DSCAML1: variants seen among roughly 807,000 people sequenced by gnomAD.
DSCAML1 encodes DS cell adhesion molecule like 1.
Under a neutral mutation model 200.5 loss-of-function variants are expected in DSCAML1, and 38 were observed. The observed-to-expected ratio is 0.19, with a 90% CI of 0.15 to 0.25. DSCAML1 has a LOEUF of 0.25. DSCAML1 is among the 10% of genes least tolerant of loss of function. DSCAML1 has a pLI of 1.00. For synonymous variants in DSCAML1, 1,215 were observed against 1,165.0 expected (o/e 1.04, Z -0.87); for missense variants, 2,223 against 2,858.8 (o/e 0.78, Z 5.07).
rs114938531 is a variant in DSCAML1, at chr11:117,472,469, C to A, written c.2786-433G>T. 9.6e-3 allele frequency among the ~76,000 whole-genome samples: 1,466 copies of A among 152,322 alleles called. 20 individuals are homozygous for A. Among genetic ancestry groups the A allele is most frequent in the African/African-American group, 0.033 (1,361 of 41,572 alleles). On this transcript the variant is annotated intron_variant, in intron 14 of 32. Coordinates refer to ENST00000651296, the MANE Select transcript of DSCAML1 (RefSeq NM_020693.4). ...AAAGCAGGAGGCTAAGTCTCCTCTC[C>A]TTTTCTCCTCCTTTTGTGTGTGCTT...
chr11:117,746,679 G>T (rs191827203), intron 3 of DSCAML1, among the ~76,000 whole-genome samples: 9 of 152,130 alleles, frequency 5.9e-5, no homozygotes, highest in Admixed American at 2.0e-4. Flanking sequence ...AACCTGGGAC[G>T]ACAACCTTTC....
At chr11:117,653,851 G>T (rs2052681777) in intron 3 of DSCAML1, among the ~76,000 whole-genome samples, 1 of 152,134 alleles carries the variant, frequency 6.6e-6, no homozygotes, top group Non-Finnish European at 1.5e-5. Flanking sequence ...ATATTATTTG[G>T]CCATAAGAAG....
At chr11:117,507,877 T>C (rs995543333) in intron 8 of DSCAML1, among the ~76,000 whole-genome samples, 7 of 152,184 alleles carry the variant, frequency 4.6e-5, no homozygotes, top group Non-Finnish European at 8.8e-5. Context: ...GGGTTGGGAC[T>C]CTGCCCCCAG....
intron 3 of DSCAML1, among the ~76,000 whole-genome samples, chr11:117,632,898 G>C (rs1177967270): frequency 6.6e-6 from 1 of 152,142 alleles, no homozygotes; most frequent in Non-Finnish European, 1.5e-5. Flanking sequence ...TTTAAGAAAA[G>C]GAAACTGAGG....
At chr11:117,622,334 T>G (rs2051950595) in intron 3 of DSCAML1, among the ~76,000 whole-genome samples, 2 of 152,204 alleles carry the variant, frequency 1.3e-5, no homozygotes, top group African/African-American at 2.4e-5. Flanking sequence ...CTGTAAGATG[T>G]AAATTTTTAT....
chr11:117,785,883 G>A (rs892283498), intron 1 of DSCAML1, among the ~76,000 whole-genome samples: 2 of 152,106 alleles, frequency 1.3e-5, no homozygotes, highest in African/African-American at 4.8e-5. Flanking sequence ...TGAAGGAGTC[G>A]ACATCTTCTC....
chr11:117,661,374 A>G (rs571207804), intron 3 of DSCAML1, among the ~76,000 whole-genome samples: 3 of 152,224 alleles, frequency 2.0e-5, no homozygotes, highest in Non-Finnish European at 4.4e-5. Flanking sequence ...GAAAATGGGA[A>G]TATAACAGGT....
intron 3 of DSCAML1, among the ~76,000 whole-genome samples, chr11:117,593,136 GGCC>G (rs2051291170): frequency 6.6e-6 from 1 of 152,132 alleles, no homozygotes; most frequent in Non-Finnish European, 1.5e-5. Flanking sequence ...GAGGGGCATA[GGCC>G]CAGCTCCTCC....
chr11:117,431,162 A>C (rs915778769), intron 31 of DSCAML1, 129 bp from the exon 32 acceptor site: 1 of 909,054 alleles, frequency 1.1e-6, no homozygotes. Flanking sequence ...CAGGCTGAGA[A>C]GATCCCGTGA....
At chr11:117,671,477 C>T (rs971436157) in intron 3 of DSCAML1, among the ~76,000 whole-genome samples, 2 of 152,178 alleles carry the variant, frequency 1.3e-5, no homozygotes, top group African/African-American at 4.8e-5. Context: ...GATAAAAAGC[C>T]ATTTACCAAG....
At position 117,428,406 on chromosome 11, in the gene DSCAML1, G is replaced by C. The variant is rs142254786; in HGVS notation, c.6084C>G (p.Leu2028=). 1 of 1,570,936 alleles carries C rather than the reference G, an allele frequency of 6.4e-7. No individual in the cohort carries two copies. The highest frequency in any genetic ancestry group is 2.2e-5 in the East Asian group (1 of 44,448). ...TCCCTACCCCCGATGTGCTCATCTCGAGAAGCGAGTCCCTGGAGCCCCCCA... is the reference window on the plus strand; with the variant it reads ...TCCCTACCCCCGATGTGCTCATCTCCAGAAGCGAGTCCCTGGAGCCCCCCA... ...TKMGGSRDSL[L]EMSTSGVGRS... The change falls in exon 33 of 33, where the codon CTC becomes CTG. Residue 2028 remains leucine, a synonymous_variant. Transcript: ENST00000651296.
intron 17 of DSCAML1, among the ~76,000 whole-genome samples, chr11:117,462,703 C>T (rs2048504423): frequency 6.6e-6 from 1 of 152,170 alleles, no homozygotes; most frequent in African/African-American, 2.4e-5. Flanking sequence ...ATACAGATCG[C>T]CCATTCGAAC....
Position 117,797,080 on chromosome 11 carries a change from G to T in DSCAML1, c.-1C>A. The T allele has an allele frequency of 6.3e-7, 1 of 1,582,650 alleles. No homozygotes were observed. The highest frequency in any genetic ancestry group is 1.4e-5 in the African/African-American group (1 of 71,816). On this transcript the variant is annotated 5_prime_UTR_variant, in exon 1 of 33. Coordinates refer to ENST00000651296, the MANE Select transcript of DSCAML1 (RefSeq NM_020693.4). ...GCAGGAGGAAAGTTACCAGCCACAT[G>T]CCATAAAGAGGCCCTATTCTCCGGG...
At chr11:117,435,862 T>G in intron 26 of DSCAML1, 63 bp from the exon 27 acceptor site, 1 of 1,537,870 alleles carries the variant, frequency 6.5e-7, no homozygotes, top group Non-Finnish European at 8.9e-7. Flanking sequence ...GCAGAACATC[T>G]CATGGGTGGG....
chr11:117,814,928 C>G (rs1215010219), intron 1 of DSCAML1, among the ~76,000 whole-genome samples: 1 of 152,180 alleles, frequency 6.6e-6, no homozygotes, highest in Non-Finnish European at 1.5e-5. Flanking sequence ...ACTGGAGAGC[C>G]GAGGACACCG....
At chr11:117,433,092 G>A in intron 29 of DSCAML1, 46 bp downstream of exon 29, 2 of 1,550,594 alleles carry the variant, frequency 1.3e-6, no homozygotes, top group South Asian at 2.2e-5. Flanking sequence ...GTAGCCTGGG[G>A]AAGCACACCC....
At chr11:117,630,658 CAAAAAAAAAAAAA>C (rs56741831) in intron 3 of DSCAML1, among the ~76,000 whole-genome samples, 27 of 45,560 alleles carry the variant, frequency 5.9e-4, no homozygotes, top group Non-Finnish European at 1.0e-3. Context: ...ATAAAGTGGC[CAAAAAAAAAAAAA>C]AAAAAAAAAA....
chr11:117,708,589 G>C (rs1190150264), intron 3 of DSCAML1, among the ~76,000 whole-genome samples: 1 of 152,206 alleles, frequency 6.6e-6, no homozygotes, highest in Non-Finnish European at 1.5e-5. Flanking sequence ...CTCAAGAAAT[G>C]TTAGTGGCTA....
chr11:117,547,347 CA>C (rs1400243894), intron 3 of DSCAML1, among the ~76,000 whole-genome samples: 1 of 152,196 alleles, frequency 6.6e-6, no homozygotes, highest in Non-Finnish European at 1.5e-5. Context: ...AACAGAACCC[CA>C]GTAGCTGCAC....
Sources: allele counts gnomAD v4.1 joint callset (sites outside exome capture counted in the v4.1 genomes callset), GRCh38; gene constraint gnomAD v4.1.1; transcripts MANE v1.5; gene names NCBI Gene and HGNC (gene_info 2026-07-23, HGNC 2026-07-21).